The following CSMD1 variants were observed in gnomAD, a reference collection of about 807,000 sequenced individuals.
CSMD1 encodes the protein CUB and sushi domain-containing protein 1.
A neutral mutation model predicts 417.5 loss-of-function variants in CSMD1; 213 were observed. The observed-to-expected ratio is 0.51, with a 90% CI of 0.46 to 0.57. The LOEUF (loss-of-function observed/expected upper bound fraction) is 0.57, where lower values mean the gene tolerates loss of function less well. Ranked by LOEUF, CSMD1 falls within the 20% of genes least tolerant of loss-of-function variation. The pLI is 0.00. For missense variants in CSMD1, 6,923 were observed against 4,529.7 expected (o/e 1.53, Z -15.17); for synonymous variants, 2,862 against 1,736.8 (o/e 1.65, Z -16.11).
chr8:3,378,218 A>G (rs1282275686), intron 18 of CSMD1, among the ~76,000 whole-genome samples: 2 of 152,238 alleles, frequency 1.3e-5, no homozygotes, highest in African/African-American at 4.8e-5. Flanking sequence ...GAATCCCTGA[A>G]TAGACCAAAA....
At chr8:2,949,922 G>A (rs550562315) in intron 67 of CSMD1, among the ~76,000 whole-genome samples, 5 of 152,280 alleles carry the variant, frequency 3.3e-5, no homozygotes, top group African/African-American at 1.2e-4. Context: ...GAAAATTTCT[G>A]ATGGCACCAC....
intron 23 of CSMD1, among the ~76,000 whole-genome samples, chr8:3,337,971 A>C (rs975943850): frequency 7.9e-5 from 12 of 152,170 alleles, no homozygotes; most frequent in Non-Finnish European, 1.6e-4. Flanking sequence ...CCTCTTCACC[A>C]CGTCTGAACA....
rs774761869 is a variant in CSMD1, at chr8:3,407,957, G to C, written c.2013C>G (p.Arg671=). Residue 671 remains arginine, a synonymous_variant, in exon 14 of 70, where the codon CGC becomes CGG. Transcript: ENST00000635120. ...SQLASSGHIV[R]LEFQSDHSTT... ...TGGAATGGTCAGACTGAAATTCCAA[G>C]CGAACTATATGCCCACTGCTGGCCA... 1 of 1,613,642 alleles carries C rather than the reference G, an allele frequency of 6.2e-7. No homozygotes were observed. Among genetic ancestry groups the C allele is most frequent in the Non-Finnish European group, 8.5e-7 (1 of 1,179,730 alleles).
chr8:3,409,987 A>C (rs1349040792), intron 12 of CSMD1, among the ~76,000 whole-genome samples: 1 of 152,238 alleles, frequency 6.6e-6, no homozygotes, highest in Non-Finnish European at 1.5e-5. Flanking sequence ...TAAACAATAC[A>C]AATAATATTC....
intron 3 of CSMD1, among the ~76,000 whole-genome samples, chr8:4,296,052 C>T (rs912530781): frequency 3.3e-5 from 5 of 152,014 alleles, no homozygotes; most frequent in African/African-American, 1.2e-4. Context: ...GCAAAAAAGA[C>T]TGAAGGAGCC....
At chr8:3,542,362 A>T (rs1798475996) in intron 10 of CSMD1, among the ~76,000 whole-genome samples, 1 of 152,162 alleles carries the variant, frequency 6.6e-6, no homozygotes, top group Non-Finnish European at 1.5e-5. Context: ...GAAGATAGGT[A>T]ATTAGTTATT....
chr8:4,610,568 C>T (rs940105637), intron 2 of CSMD1, among the ~76,000 whole-genome samples: 8 of 152,160 alleles, frequency 5.3e-5, no homozygotes, highest in African/African-American at 1.9e-4. Flanking sequence ...TTTTGTCATA[C>T]ATATCCTTCC....
At chr8:3,787,613 TGTATAA>T (rs1365076264) in intron 5 of CSMD1, among the ~76,000 whole-genome samples, 11 of 152,196 alleles carry the variant, frequency 7.2e-5, no homozygotes, top group Admixed American at 2.6e-4. Context: ...CAGTTAATTC[TGTATAA>T]GTATTTTTAT....
At chr8:4,951,987 T>G (rs143809902) in intron 1 of CSMD1, among the ~76,000 whole-genome samples, 5 of 151,286 alleles carry the variant, frequency 3.3e-5, no homozygotes, top group Non-Finnish European at 7.4e-5. Flanking sequence ...CTAAACATAG[T>G]TTATCTTAAA....
chr8:4,947,652 T>A lies in CSMD1; in HGVS notation c.85+46680A>T, dbSNP rs143517132. 4.5e-3 allele frequency among the ~76,000 whole-genome samples: 692 copies of A among 152,244 alleles called. 2 individuals are homozygous for A. Among genetic ancestry groups the A allele is most frequent in the African/African-American group, 0.016 (666 of 41,556 alleles). On this transcript the variant is annotated intron_variant, in intron 1 of 69. Transcript: ENST00000635120. ...CTCCCCCCAGTGACAGATAACCACT[T>A]ACATTTTGGGTTGATCATTCTTGGC...
At chr8:3,082,021 AC>A (rs1814138452) in intron 49 of CSMD1, among the ~76,000 whole-genome samples, 1 of 152,168 alleles carries the variant, frequency 6.6e-6, no homozygotes, top group African/African-American at 2.4e-5. Flanking sequence ...CATGTCCCCC[AC>A]CAACATATGT....
chr8:4,411,413 G>A (rs139382617), intron 3 of CSMD1, among the ~76,000 whole-genome samples: 2 of 151,470 alleles, frequency 1.3e-5, no homozygotes, highest in East Asian at 3.9e-4. Flanking sequence ...TTAACCATTT[G>A]AAAAAATACA....
At chr8:3,237,176 C>T (rs1293917910) in intron 26 of CSMD1, among the ~76,000 whole-genome samples, 1 of 151,720 alleles carries the variant, frequency 6.6e-6, no homozygotes, top group Admixed American at 6.6e-5. Flanking sequence ...TATAGTCTCA[C>T]AACTTTGCAG....
chr8:4,801,330 G>A (rs892633201), intron 1 of CSMD1, among the ~76,000 whole-genome samples: 2 of 152,150 alleles, frequency 1.3e-5, no homozygotes, highest in South Asian at 2.1e-4. Context: ...AGTGGAAGAT[G>A]TGAGCTATAA....
At chr8:3,670,109 G>A (rs914139563) in intron 7 of CSMD1, among the ~76,000 whole-genome samples, 4 of 152,100 alleles carry the variant, frequency 2.6e-5, no homozygotes, top group African/African-American at 9.7e-5. Flanking sequence ...GCAAAGTGTT[G>A]ATCCTGGGTG....
intron 3 of CSMD1, among the ~76,000 whole-genome samples, chr8:4,273,014 G>A (rs1475967301): frequency 1.3e-5 from 2 of 152,118 alleles, no homozygotes; most frequent in African/African-American, 4.8e-5. Flanking sequence ...TCATGTACCT[G>A]ACATTTCTAA....
intron 5 of CSMD1, among the ~76,000 whole-genome samples, chr8:3,888,060 G>A (rs1806683488): frequency 1.3e-5 from 2 of 152,138 alleles, no homozygotes; most frequent in South Asian, 4.1e-4. Flanking sequence ...GGAAAATACT[G>A]TACAGTTATC....
At chr8:4,024,940 G>C (rs182910215) in intron 4 of CSMD1, among the ~76,000 whole-genome samples, 3 of 152,210 alleles carry the variant, frequency 2.0e-5, no homozygotes, top group African/African-American at 7.2e-5. Flanking sequence ...TCAGGTGAGG[G>C]AGCATGAATC....
Position 3,246,476 on chromosome 8 carries a change from T to A in CSMD1, c.4154-16245A>T, listed in dbSNP as rs571270990. ...ATTCTCTTTATTTTATTTTTTTAAATTTGTATTTTTTTTGTGACAGAGTCT... is the reference window on the plus strand; with the variant it reads ...ATTCTCTTTATTTTATTTTTTTAAAATTGTATTTTTTTTGTGACAGAGTCT... On this transcript the variant is annotated intron_variant, in intron 26 of 69. Transcript: ENST00000635120. Among the ~76,000 whole-genome samples the A allele has an allele frequency of 2.6e-5, 4 of 152,252 alleles. No homozygotes were observed. The South Asian group carries it at 8.3e-4, about 32-fold the overall frequency.
Sources: allele counts gnomAD v4.1 joint callset (sites outside exome capture counted in the v4.1 genomes callset), GRCh38; gene constraint gnomAD v4.1.1; transcripts MANE v1.5; gene names NCBI Gene and HGNC (gene_info 2026-07-23, HGNC 2026-07-21).